The following BAHCC1 variants were observed in gnomAD, a reference collection of about 807,000 sequenced individuals.
BAHCC1 encodes BAH and coiled-coil domain-containing protein 1.
BAHCC1 carries 43 observed loss-of-function variants against 88.2 expected under a neutral mutation model. That is an observed-to-expected ratio of 0.49 (90% CI 0.38 to 0.63). BAHCC1 has a LOEUF of 0.63. Among genes scored for constraint, BAHCC1 ranks in the 20% least tolerant of loss-of-function variants. The pLI, the probability that BAHCC1 is intolerant of heterozygous loss-of-function variation, is 0.00. For synonymous variants in BAHCC1, 1,510 were observed against 745.5 expected (o/e 2.03, Z -16.71); for missense variants, 3,023 against 1,654.8 (o/e 1.83, Z -14.34).
At chr17:81,460,066 G>A (rs988831873) in intron 23 of BAHCC1, among the ~76,000 whole-genome samples, 1 of 152,162 alleles carries the variant, frequency 6.6e-6, no homozygotes, top group Admixed American at 6.5e-5. Flanking sequence ...GGGCTGGGTG[G>A]GGTGACGGTG....
Position 81,457,448 on chromosome 17 carries a change from G to C in BAHCC1, c.4897G>C (p.Gly1633Arg). The C allele has an allele frequency of 1.3e-6, 1 of 772,502 alleles. No individual in the cohort carries two copies. The highest frequency in any genetic ancestry group is 2.4e-6 in the Non-Finnish European group (1 of 414,968). The allele number at this position is 772,502 out of a possible 1,614,324, so 47.9% of individuals were successfully genotyped here. ...CAGTGAGGACTGCGAGGGTCTCCTG[G>C]GGACAGAGGCACCACCCAGGGAAGC... ...YDSEDCEGLLGTEAPPREAGL... is the reference protein window; with the variant it reads ...YDSEDCEGLLRTEAPPREAGL... The change falls in exon 17 of 28, where the codon GGG becomes CGG. Residue 1633 changes from glycine (G) to arginine (R), a missense_variant. Transcript: ENST00000675386.
chr17:81,409,385 C>T (rs879953462), intron 2 of BAHCC1, among the ~76,000 whole-genome samples: 24 of 152,180 alleles, frequency 1.6e-4, no homozygotes, highest in African/African-American at 3.4e-4. Context: ...GGAGCTGCGC[C>T]GGCTGAGTGG....
rs782112435 is a variant in BAHCC1, at chr17:81,445,562, C to G, written c.3044C>G (p.Pro1015Arg). 5.5e-6 allele frequency: 4 copies of G among 723,904 alleles called. No individual in the cohort carries two copies. The highest frequency in any genetic ancestry group is 1.0e-5 in the Non-Finnish European group (4 of 389,774). 44.8% of individuals were successfully genotyped at this position (723,904 alleles called of 1,614,324 possible). A position where few individuals can be genotyped will look rare whatever the true frequency, so the allele number is the denominator to read the frequency against. ...ACCCCACCACCTCGGCCCAGCGCCC[C>G]GTGCACTTTAAATGTCTGCCCTGCC... ...SPTPPPRPSA[P>R]CTLNVCPASS... The change falls in exon 10 of 28, where the codon CCG becomes CGG. Residue 1015 changes from proline to arginine, a missense_variant. Coordinates refer to ENST00000675386, the MANE Select transcript of BAHCC1 (RefSeq NM_001377448.1).
intron 2 of BAHCC1, among the ~76,000 whole-genome samples, chr17:81,423,702 G>A (rs1400963179): frequency 1.3e-5 from 2 of 152,208 alleles, no homozygotes; most frequent in African/African-American, 2.4e-5. Context: ...CAGGGCCACC[G>A]TGTGCAGAAA....
chr17:81,446,654 T>A, intron 10 of BAHCC1: 1 of 367,814 alleles, frequency 2.7e-6, no homozygotes, highest in South Asian at 2.0e-5. Context: ...GCTCAAGCCA[T>A]CCTCCCACCT....
At chr17:81,459,385 A>G in intron 22 of BAHCC1, 57 bp downstream of exon 22, 1 of 763,642 alleles carries the variant, frequency 1.3e-6, no homozygotes, top group East Asian at 2.5e-5. Context: ...TCCCAGGACA[A>G]AGGAAGGCCT....
Position 81,445,410 on chromosome 17 carries a change from A to G in BAHCC1, c.2892A>G (p.Pro964=). The G allele has an allele frequency of 1.3e-6, 1 of 776,594 alleles. No homozygotes were observed. Among genetic ancestry groups the G allele is most frequent in the Non-Finnish European group, 2.4e-6 (1 of 417,056 alleles). The allele number at this position is 776,594 out of a possible 1,614,324, so 48.1% of individuals were successfully genotyped here. A position where few individuals can be genotyped will look rare whatever the true frequency, so the allele number is the denominator to read the frequency against. The change falls in exon 10 of 28, where the codon CCA becomes CCG. Residue 964 remains proline, a synonymous_variant. Transcript: ENST00000675386. ...AGGAGCCCGCCCAGGAGAAGGCCCC[A>G]AAGTCCACCCACAAGCCAGTTGCCT... ...DLEEPAQEKA[P]KSTHKPVALT...
rs782182542 is a variant in BAHCC1, at chr17:81,461,316, C to A, written c.6653C>A (p.Pro2218His). 1.4e-6 allele frequency: 1 copy of A among 724,222 alleles called. No homozygotes were observed. Among genetic ancestry groups the A allele is most frequent in the Non-Finnish European group, 2.5e-6 (1 of 393,120 alleles). 44.9% of individuals were successfully genotyped at this position (724,222 alleles called of 1,614,324 possible). The change falls in exon 26 of 28, where the codon CCC (proline) becomes CAC (histidine). Residue 2218 changes from proline to histidine, a missense_variant. Physicochemically the swap from Pro to His is moderately conservative, Grantham distance 77. Coordinates refer to ENST00000675386, the MANE Select transcript of BAHCC1 (RefSeq NM_001377448.1). ...CTGGACCACGAGGGTGTGACCTCCC[C>A]CAAGAACAAGACCTGCAAGGCGTTG... is the stretch of plus-strand genomic sequence containing the variant. ...VKLDHEGVTS[P>H]KNKTCKALLM...
intron 2 of BAHCC1, among the ~76,000 whole-genome samples, chr17:81,403,761 A>G (rs2063845480): frequency 6.6e-6 from 1 of 152,218 alleles, no homozygotes; most frequent in South Asian, 2.1e-4. Flanking sequence ...TCCATAAGTG[A>G]CAGAGTTAGA....
At chr17:81,421,939 G>A in intron 2 of BAHCC1, 2 of 429,458 alleles carry the variant, frequency 4.7e-6, no homozygotes, top group Non-Finnish European at 9.3e-6. Context: ...TTGCAGCTGT[G>A]CCCAGAAGTG....
chr17:81,450,073 C>T (rs1203618275), intron 11 of BAHCC1, among the ~76,000 whole-genome samples: 1 of 152,170 alleles, frequency 6.6e-6, no homozygotes, highest in Non-Finnish European at 1.5e-5. Flanking sequence ...AGCCCCGGTC[C>T]GTTAAGTGGA....
intron 2 of BAHCC1, among the ~76,000 whole-genome samples, chr17:81,417,619 G>C (rs1031289728): frequency 7.7e-6 from 1 of 129,680 alleles, no homozygotes; most frequent in Non-Finnish European, 1.6e-5. Flanking sequence ...ACTTATATCC[G>C]ATTTTCCTTT....
At chr17:81,412,328 A>T (rs1339876860) in intron 2 of BAHCC1, among the ~76,000 whole-genome samples, 3 of 152,260 alleles carry the variant, frequency 2.0e-5, no homozygotes, top group East Asian at 3.8e-4. Flanking sequence ...TACCAAAATT[A>T]ACTTAAATTG....
chr17:81,442,340 G>C lies in BAHCC1; in HGVS notation c.991G>C (p.Gly331Arg), dbSNP rs200635626. 1.2e-5 allele frequency: 8 copies of C among 693,176 alleles called. No homozygotes were observed. The highest frequency in any genetic ancestry group is 2.1e-5 in the Non-Finnish European group (8 of 378,960). 42.9% of individuals were successfully genotyped at this position (693,176 alleles called of 1,614,324 possible). ...AKEAAGPPEP[G>R]PAFSECLERR... is the part of the protein sequence containing the mutation. Reference sequence around the variant, plus strand: ...GGAGGCAGCAGGCCCCCCGGAGCCCGGGCCGGCCTTCAGCGAGTGCCTGGA... The same window carrying C: ...GGAGGCAGCAGGCCCCCCGGAGCCCCGGCCGGCCTTCAGCGAGTGCCTGGA... The change falls in exon 5 of 28, where the codon GGG becomes CGG. Residue 331 changes from glycine to arginine, a missense_variant. By Grantham distance (125) the Gly-to-Arg change is moderately radical (BLOSUM62 -2). Coordinates refer to ENST00000675386, the MANE Select transcript of BAHCC1 (RefSeq NM_001377448.1).
At position 81,461,207 on chromosome 17, in the gene BAHCC1, A is replaced by G. The variant is rs1555659217; in HGVS notation, c.6544A>G (p.Lys2182Glu). The change falls in exon 26 of 28, where the codon AAG becomes GAG. Residue 2182 changes from lysine to glutamate, a missense_variant. By Grantham distance (56) the Lys-to-Glu change is moderately conservative. Coordinates refer to ENST00000675386, the MANE Select transcript of BAHCC1 (RefSeq NM_001377448.1). ...TGPGLPRGAH[K>E]LLRAKKAERV... ...GCCGGGCCTCCCCAGGGGAGCCCAC[A>G]AGCTGCTGCGGGCTAAGAAGGCCGA... 1.4e-6 allele frequency: 1 copy of G among 730,430 alleles called. No individual in the cohort carries two copies. The highest frequency in any genetic ancestry group is 1.4e-5 in the South Asian group (1 of 69,682). The allele number at this position is 730,430 out of a possible 1,614,324, so 45.2% of individuals were successfully genotyped here.
intron 2 of BAHCC1, among the ~76,000 whole-genome samples, chr17:81,406,010 C>G (rs1174336178): frequency 2.0e-5 from 3 of 152,208 alleles, no homozygotes; most frequent in Non-Finnish European, 2.9e-5. Context: ...CCAGCCTCTG[C>G]CTAGGGAGTC....
At chr17:81,424,893 AATGTGGTTGGTGGTG>A (rs1178399071) in intron 2 of BAHCC1, among the ~76,000 whole-genome samples, 7 of 130,636 alleles carry the variant, frequency 5.4e-5, no homozygotes, top group African/African-American at 1.2e-4. Context: ...ATGTGGTAGT[AATGTGGTTGGTGGTG>A]ATGTGGTTGG....
intron 27 of BAHCC1, among the ~76,000 whole-genome samples, 185 bp from the exon 28 acceptor site, chr17:81,463,426 G>C (rs1214869859): frequency 2.0e-5 from 3 of 152,074 alleles, no homozygotes; most frequent in African/African-American, 7.2e-5. Context: ...CAGGTTCCTC[G>C]GCCTCTGGAC....
intron 2 of BAHCC1, among the ~76,000 whole-genome samples, chr17:81,419,699 C>T (rs1023391978): frequency 6.6e-6 from 1 of 151,964 alleles, no homozygotes; most frequent in African/African-American, 2.4e-5. Flanking sequence ...ATGCCAGCAG[C>T]CCGGCAGCTG....
Sources: gnomAD v4.1 joint callset for allele counts (sites outside exome capture counted in the v4.1 genomes callset) on GRCh38, gnomAD v4.1.1 for gene constraint, MANE v1.5 for transcripts, NCBI Gene and HGNC (gene_info 2026-07-23, HGNC 2026-07-21) for gene names.